The following CPSF7 variants were observed in gnomAD, a reference collection of about 807,000 sequenced individuals.
The protein encoded by CPSF7 is cleavage and polyadenylation specific factor 7, also known as cleavage and polyadenylation specificity factor subunit 7.
In CPSF7, 1 loss-of-function variant was observed where a neutral mutation model predicts 44.3. The ratio of observed to expected loss-of-function variants is 0.02; its 90% CI spans 0.01 to 0.11. The LOEUF is 0.11. Among genes scored for constraint, CPSF7 ranks in the 10% least tolerant of loss-of-function variants. The pLI, the probability that CPSF7 is intolerant of heterozygous loss-of-function variation, is 1.00. For synonymous variants in CPSF7, 202 were observed against 222.0 expected, an observed-to-expected ratio of 0.91 and a Z score of 0.80; for missense variants, 443 against 607.2, an observed-to-expected ratio of 0.73 and a Z score of 2.84.
Position 61,421,595 on chromosome 11 carries a change from T to C in CPSF7, c.68A>G (p.Asn23Ser), listed in dbSNP as rs1277173220. The C allele has an allele frequency of 6.8e-6, 11 of 1,613,170 alleles. No homozygotes were observed. Among genetic ancestry groups the C allele is most frequent in the Admixed American group, 5.0e-5 (3 of 59,996 alleles). The change falls in exon 3 of 10, where the codon AAC (asparagine) becomes AGC (serine). Residue 23 changes from asparagine to serine, a missense_variant. Physicochemically the swap from Asn to Ser is conservative, Grantham distance 46. Transcript: ENST00000439958. ...ATACAGGTCAATCTGATCTGTATTGTTGAACTCTGGGTCCTAAGAGATGAG... is the reference window on the plus strand; with the variant it reads ...ATACAGGTCAATCTGATCTGTATTGCTGAACTCTGGGTCCTAAGAGATGAG... ...DEEFNQDPEF[N>S]NTDQIDLYDD...
At chr11:61,419,849 C>T in intron 5 of CPSF7, 100 bp downstream of exon 5, 1 of 1,441,320 alleles carries the variant, frequency 6.9e-7, no homozygotes, top group Non-Finnish European at 9.5e-7. Context: ...CTCACCCACA[C>T]TGTAGGCTAA....
At position 61,403,099 on chromosome 11, in the gene CPSF7, AAAG is replaced by A. The variant is rs985090175; in HGVS notation, c.*1608_*1610del. 1 of 152,384 alleles carries A rather than the reference AAAG, an allele frequency of 6.6e-6. No homozygotes were observed. Among genetic ancestry groups the A allele is most frequent in the Non-Finnish European group, 1.5e-5 (1 of 68,026 alleles). 9.4% of individuals were successfully genotyped at this position (152,384 alleles called of 1,614,324 possible). On this transcript the variant is annotated 3_prime_UTR_variant, in exon 10 of 10. Coordinates refer to ENST00000439958, the MANE Select transcript of CPSF7 (RefSeq NM_001142565.3). ...GATGGGGTTGGGGGACAGGGGAAAA[AAAG>A]CTCCAACCTGTAGCCTCTGTCCCAA...
At chr11:61,408,764 G>A (rs1859565801) in intron 9 of CPSF7, among the ~76,000 whole-genome samples, 1 of 152,204 alleles carries the variant, frequency 6.6e-6, no homozygotes, top group Admixed American at 6.5e-5. Flanking sequence ...GCAGAGCTGA[G>A]AGATGCAGAT....
intron 9 of CPSF7, among the ~76,000 whole-genome samples, chr11:61,407,444 C>T (rs531845953): frequency 6.6e-6 from 1 of 152,220 alleles, no homozygotes; most frequent in Non-Finnish European, 1.5e-5. Flanking sequence ...ACTCTAATGC[C>T]TGCCCTCATG....
chr11:61,415,614 GA>G (rs1417343240), intron 7 of CPSF7, 51 bp downstream of exon 7: 17 of 1,210,456 alleles, frequency 1.4e-5, no homozygotes, highest in Middle Eastern at 1.9e-4. Context: ...ACAAAATCAG[GA>G]AAAAAAAGTA....
chr11:61,428,461 C>CA (rs1353107059), intron 2 of CPSF7, among the ~76,000 whole-genome samples: 1 of 152,134 alleles, frequency 6.6e-6, no homozygotes, highest in Non-Finnish European at 1.5e-5. Context: ...GCTGAGATTA[C>CA]AGTCAAGAGC....
intron 7 of CPSF7, 121 bp from the exon 8 acceptor site, chr11:61,412,058 A>G: frequency 1.3e-6 from 1 of 767,776 alleles, no homozygotes; most frequent in South Asian, 1.7e-5. Flanking sequence ...AACCGCGGTA[A>G]AAGAGACAAG....
At chr11:61,415,842 T>C (rs1860276645) in intron 6 of CPSF7, 58 bp from the exon 7 acceptor site, 1 of 1,245,176 alleles carries the variant, frequency 8.0e-7, no homozygotes. Context: ...TTTACTGTAC[T>C]CTACAACACT....
intron 6 of CPSF7, 52 bp from the exon 7 acceptor site, chr11:61,415,836 C>G (rs1565106881): frequency 1.5e-6 from 2 of 1,293,428 alleles, no homozygotes; most frequent in Non-Finnish European, 1.1e-6. Context: ...ATTATTTTTA[C>G]TGTACTCTAC....
chr11:61,410,704 T>G (rs753258996), intron 9 of CPSF7: 38 of 373,162 alleles, frequency 1.0e-4, no homozygotes, highest in Non-Finnish European at 1.6e-4. Context: ...GACACCATAC[T>G]CTCACTCAGA....
Position 61,420,026 on chromosome 11 carries a change from A to G in CPSF7, c.446T>C (p.Val149Ala). The change falls in exon 5 of 10, where the codon GTT becomes GCT. Residue 149 changes from valine (V) to alanine (A), a missense_variant. Transcript: ENST00000439958. ...HKLLELLPGKVLNGEKVDVRP... is the reference protein window; with the variant it reads ...HKLLELLPGKALNGEKVDVRP... ...CACGTCCACTTTTTCTCCATTAAGAACTTTCCCTGGTAGGAGTTCCAACAA... is the reference window on the plus strand; with the variant it reads ...CACGTCCACTTTTTCTCCATTAAGAGCTTTCCCTGGTAGGAGTTCCAACAA... 2 of 1,614,076 alleles carry G rather than the reference A, an allele frequency of 1.2e-6. No homozygotes were observed. The highest frequency in any genetic ancestry group is 1.7e-6 in the Non-Finnish European group (2 of 1,179,966).
In CPSF7 at chr11:61,425,055, G is replaced by C. The variant is rs1590734742; in HGVS notation, c.55-3447C>G. On this transcript the variant is annotated intron_variant, in intron 2 of 9. Coordinates refer to ENST00000439958, the MANE Select transcript of CPSF7 (RefSeq NM_001142565.3). ...AGAATAGGATAGACTAGATCCTGGAGAATCTTGGTATGGCTACCACTTTTA... is the reference window on the plus strand; with the variant it reads ...AGAATAGGATAGACTAGATCCTGGACAATCTTGGTATGGCTACCACTTTTA... Among the ~76,000 whole-genome samples, 3 of 152,274 alleles carry C rather than the reference G, an allele frequency of 2.0e-5. No individual in the cohort carries two copies. In the South Asian group the frequency reaches 6.2e-4, roughly 32 times the overall value.
At chr11:61,413,538 G>T (rs1045096639) in intron 7 of CPSF7, among the ~76,000 whole-genome samples, 1 of 151,816 alleles carries the variant, frequency 6.6e-6, no homozygotes, top group Non-Finnish European at 1.5e-5. Context: ...GGCTGAGGCA[G>T]GAGAATTGCT....
At chr11:61,428,720 G>A (rs1861639296) in intron 2 of CPSF7, among the ~76,000 whole-genome samples, 1 of 152,226 alleles carries the variant, frequency 6.6e-6, no homozygotes, top group Non-Finnish European at 1.5e-5. Context: ...TTGGAATGGA[G>A]TTGAAACTAA....
intron 6 of CPSF7, 91 bp from the exon 7 acceptor site, chr11:61,415,875 G>C (rs2135321466): frequency 9.8e-7 from 1 of 1,016,338 alleles, no homozygotes; most frequent in East Asian, 2.4e-5. Flanking sequence ...GCATAACACA[G>C]AACAATGCTA....
Position 61,416,414 on chromosome 11 carries a change from G to T in CPSF7, c.629C>A (p.Pro210His), listed in dbSNP as rs374077859. Residue 210 changes from proline (P) to histidine (H), a missense_variant, in exon 6 of 10, where the codon CCC becomes CAC. By Grantham distance (77) the Pro-to-His change is moderately conservative (BLOSUM62 -2). Transcript: ENST00000439958. ...VPSSARVDKPPSVLPYFNRPP... is the reference protein window; with the variant it reads ...VPSSARVDKPHSVLPYFNRPP... ...ACGATTGAAGTAGGGCAGCACACTG[G>T]GGGGCTTATCCACACGAGCAGATGA... The T allele has an allele frequency of 5.0e-6, 8 of 1,613,876 alleles. No individual in the cohort carries two copies. Among genetic ancestry groups the T allele is most frequent in the South Asian group, 1.1e-5 (1 of 91,068 alleles).
intron 2 of CPSF7, among the ~76,000 whole-genome samples, chr11:61,427,675 G>GA (rs1178914571): frequency 6.7e-6 from 1 of 149,414 alleles, no homozygotes; most frequent in Non-Finnish European, 1.5e-5. Flanking sequence ...AAAAAAAAAG[G>GA]AAAATTCATC....
chr11:61,409,483 CAAAA>C (rs988565543), intron 9 of CPSF7, among the ~76,000 whole-genome samples: 4 of 151,842 alleles, frequency 2.6e-5, no homozygotes, highest in Admixed American at 6.6e-5. Flanking sequence ...CAAAACAAAA[CAAAA>C]AACACAACAA....
rs1273856834 is a variant in CPSF7 at position 61,416,428 on chromosome 11, A to G, written c.615T>C (p.Arg205=). Residue 205 remains arginine, a synonymous_variant, in exon 6 of 10, where the codon CGT becomes CGC. Transcript: ENST00000439958. ...PSENLVPSSA[R]VDKPPSVLPY... ...GCAGCACACTGGGGGGCTTATCCAC[A>G]CGAGCAGATGAGGGTACAAGGTTCT... The G allele has an allele frequency of 4.3e-6, 7 of 1,613,994 alleles. No homozygotes were observed. The highest frequency in any genetic ancestry group is 1.7e-5 in the Admixed American group (1 of 59,992).
Sources: allele counts gnomAD v4.1 joint callset (sites outside exome capture counted in the v4.1 genomes callset), GRCh38; gene constraint gnomAD v4.1.1; transcripts MANE v1.5; gene names NCBI Gene and HGNC (gene_info 2026-07-23, HGNC 2026-07-21).